The following SPATA6L variants were observed in gnomAD, a reference collection of about 807,000 sequenced individuals.
SPATA6L encodes spermatogenesis associated 6 like, also known as spermatogenesis associated 6-like protein.
Under a neutral mutation model 49.2 loss-of-function variants are expected in SPATA6L, and 68 were observed. That is an observed-to-expected ratio of 1.38 (90% CI 1.14 to 1.69). The LOEUF is 1.69. SPATA6L is among the 40% of genes most tolerant of loss of function. SPATA6L has a pLI of 0.00. For synonymous variants in SPATA6L, 198 were observed against 165.7 expected (o/e 1.19, Z -1.50); for missense variants, 668 against 464.3 (o/e 1.44, Z -4.03).
At chr9:4,607,859 A>G (rs1009516946) in intron 9 of SPATA6L, among the ~76,000 whole-genome samples, 1 of 150,748 alleles carries the variant, frequency 6.6e-6, no homozygotes, top group Non-Finnish European at 1.5e-5. Context: ...CAAATTGGAT[A>G]AAGAGTCAAG....
intron 4 of SPATA6L, among the ~76,000 whole-genome samples, chr9:4,632,252 G>A (rs188548092): frequency 2.0e-5 from 3 of 151,446 alleles, no homozygotes; most frequent in African/African-American, 7.3e-5. Context: ...AGCTATTATC[G>A]AAGTGATGGC....
chr9:4,630,968 C>T (rs1831411766), intron 4 of SPATA6L, among the ~76,000 whole-genome samples: 1 of 152,180 alleles, frequency 6.6e-6, no homozygotes, highest in South Asian at 2.1e-4. Flanking sequence ...TCTGATTCCA[C>T]ACTTAACCAC....
At chr9:4,625,661 A>T (rs746228437) in intron 5 of SPATA6L, 95 bp from the exon 6 acceptor site, 6 of 878,218 alleles carry the variant, frequency 6.8e-6, no homozygotes, top group Non-Finnish European at 9.5e-6. Flanking sequence ...ATTTTTAAAA[A>T]TTAAGGTCAA....
chr9:4,646,144 A>ACC (rs568672498), intron 3 of SPATA6L, among the ~76,000 whole-genome samples: 1 of 151,262 alleles, frequency 6.6e-6, no homozygotes. Flanking sequence ...ACACACACAC[A>ACC]CCCCACAAAT....
intron 5 of SPATA6L, chr9:4,626,316 G>A (rs574737730): frequency 1.3e-4 from 152 of 1,188,500 alleles, no homozygotes; most frequent in Non-Finnish European, 1.6e-4. Context: ...AGAGCCCCCT[G>A]TTCAGATTTG....
intron 9 of SPATA6L, among the ~76,000 whole-genome samples, chr9:4,606,011 G>A (rs1039963525): frequency 3.9e-5 from 6 of 152,120 alleles, no homozygotes; most frequent in Admixed American, 6.5e-5. Flanking sequence ...AGCGCAAGGG[G>A]TCAGGCAGTT....
intron 6 of SPATA6L, among the ~76,000 whole-genome samples, chr9:4,624,970 G>C (rs1830064791): frequency 6.6e-6 from 1 of 152,128 alleles, no homozygotes; most frequent in Non-Finnish European, 1.5e-5. Context: ...GTTTTGGATT[G>C]ATATAGAGTG....
At position 4,600,491 on chromosome 9, in the gene SPATA6L, G is replaced by GAGAGAGAGAGAGAGAGAGAGA. The variant is rs1564096426; in HGVS notation, c.*319_*320insTCTCTCTCTCTCTCTCTCTCT. 1 of 144,560 alleles carries GAGAGAGAGAGAGAGAGAGAGA rather than the reference G, an allele frequency of 6.9e-6. No homozygotes were observed. Among genetic ancestry groups the GAGAGAGAGAGAGAGAGAGAGA allele is most frequent in the Non-Finnish European group, 1.5e-5 (1 of 65,810 alleles). The allele number at this position is 144,560 out of a possible 1,614,324, so 9.0% of individuals were successfully genotyped here. A position where few individuals can be genotyped will look rare whatever the true frequency, so the allele number is the denominator to read the frequency against. On this transcript the variant is annotated 3_prime_UTR_variant, in exon 12 of 12. Transcript: ENST00000682582. ...AGAGAGACAGAGAGAGCCAGAGAGA[G>GAGAGAGAGAGAGAGAGAGAGA]CCAGAGAGAGAGAGAGGGGAAGTGT...
At chr9:4,656,113 A>G in intron 2 of SPATA6L, 24 bp from the exon 3 acceptor site, 1 of 1,602,184 alleles carries the variant, frequency 6.2e-7, no homozygotes, top group Non-Finnish European at 8.5e-7. Context: ...TGGGGAAAAT[A>G]AATTTTCAAA....
At position 4,625,500 on chromosome 9, in the gene SPATA6L, T is replaced by C. The variant is rs372508729; in HGVS notation, c.496A>G (p.Ile166Val). ...TTATTCTCCTTTAGTTTCATCTTTA[T>C]AGTATTTAAGGGAAATATTGGTTCA... ...SHEPIFPLNTIKMKLKENNLN... is the reference protein window; with the variant it reads ...SHEPIFPLNTVKMKLKENNLN... The change falls in exon 6 of 12, where the codon ATA becomes GTA. Residue 166 changes from isoleucine (I) to valine (V), a missense_variant. Transcript: ENST00000682582. 25 of 1,613,822 alleles carry C rather than the reference T, an allele frequency of 1.5e-5. No individual in the cohort carries two copies. Among genetic ancestry groups the C allele is most frequent in the East Asian group, 6.7e-5 (3 of 44,888 alleles).
intron 1 of SPATA6L, chr9:4,664,590 G>A (rs1180477756): frequency 6.0e-6 from 1 of 167,086 alleles, no homozygotes; most frequent in Non-Finnish European, 1.5e-5. Context: ...AAAGACTGGA[G>A]AAGGTATGTG....
downstream of SPATA6L, among the ~76,000 whole-genome samples, chr9:4,597,895 G>A (rs768957958): frequency 2.0e-5 from 3 of 152,268 alleles, no homozygotes; most frequent in East Asian, 1.9e-4. Flanking sequence ...AGAGCCCAGC[G>A]GGCTCCTTTG....
At chr9:4,661,780 C>T in intron 2 of SPATA6L, 119 bp downstream of exon 2, 3 of 1,373,344 alleles carry the variant, frequency 2.2e-6, no homozygotes, top group African/African-American at 1.5e-5. Context: ...TGCTGAAGTG[C>T]TTTCGGATAA....
chr9:4,613,419 T>C (rs1474072457), intron 9 of SPATA6L, among the ~76,000 whole-genome samples: 1 of 152,032 alleles, frequency 6.6e-6, no homozygotes, highest in East Asian at 1.9e-4. Context: ...CAGCTCTCTC[T>C]GTGACAAGCA....
intron 4 of SPATA6L, among the ~76,000 whole-genome samples, chr9:4,630,131 T>C (rs1311229624): frequency 6.6e-6 from 1 of 151,944 alleles, no homozygotes; most frequent in East Asian, 1.9e-4. Flanking sequence ...AAAAGACTAG[T>C]GCTCAGGGTG....
chr9:4,657,390 G>C (rs755663931), intron 2 of SPATA6L, among the ~76,000 whole-genome samples: 1 of 152,096 alleles, frequency 6.6e-6, no homozygotes. Context: ...CTTAAACCCA[G>C]TATCTCAGAA....
rs528781983 is a variant in SPATA6L, at chr9:4,662,332, C to T, written c.40-296G>A. 1 of 1,459,142 alleles carries T rather than the reference C, an allele frequency of 6.9e-7. No homozygotes were observed. The highest frequency in any genetic ancestry group is 1.4e-5 in the African/African-American group (1 of 70,200). 90.4% of individuals were successfully genotyped at this position (1,459,142 alleles called of 1,614,324 possible). A position where few individuals can be genotyped will look rare whatever the true frequency, so the allele number is the denominator to read the frequency against. The stretch of plus-strand genomic sequence containing the variant: ...AAGAGGCTGCAGGGCCGGGAAGCCT[C>T]TGTTTGGTCCGGCCAGGTCCCGGGA... On this transcript the variant is annotated intron_variant, in intron 1 of 11. Coordinates refer to ENST00000682582, the MANE Select transcript of SPATA6L (RefSeq NM_001353486.2). This position sits in a 1 kb window ranked among gnomAD's most constrained non-coding sequence, Gnocchi z 4.9.
rs1268960855 is a variant in SPATA6L at position 4,625,577 on chromosome 9, CA to C, written c.430-12del. The C allele has an allele frequency of 3.4e-6, 5 of 1,452,756 alleles. No homozygotes were observed. Among genetic ancestry groups the C allele is most frequent in the Middle Eastern group, 1.9e-4 (1 of 5,278 alleles). 90.0% of individuals were successfully genotyped at this position (1,452,756 alleles called of 1,614,324 possible). On this transcript the variant is annotated splice_polypyrimidine_tract_variant and intron_variant, in intron 5 of 11. Transcript: ENST00000682582. ...CTCATGTCTTTCTTCCTGAAATAAA[CA>C]AAAAAAGAATATTTTTTAAAATAAA... is the stretch of plus-strand genomic sequence containing the variant.
Position 4,662,869 on chromosome 9 carries a change from T to A in SPATA6L, c.40-833A>T, listed in dbSNP as rs769422828. On this transcript the variant is annotated intron_variant, in intron 1 of 11. Transcript: ENST00000682582. This position sits in a 1 kb window ranked among gnomAD's most constrained non-coding sequence, Gnocchi z 4.9. The stretch of plus-strand genomic sequence containing the variant: ...AGCGACAGCTGGGCCGGGCGCGAGG[T>A]GCTGATGAACCTGCTCTTCGCCCTG... 21 of 1,605,694 alleles carry A rather than the reference T, an allele frequency of 1.3e-5. No homozygotes were observed. The highest frequency in any genetic ancestry group is 1.4e-5 in the Non-Finnish European group (16 of 1,179,946).
Sources: allele counts gnomAD v4.1 joint callset (sites outside exome capture counted in the v4.1 genomes callset), GRCh38; gene constraint gnomAD v4.1.1; non-coding constraint Gnocchi (gnomAD v3.1); transcripts MANE v1.5; gene names NCBI Gene and HGNC (gene_info 2026-07-23, HGNC 2026-07-21).